The following PITPNM2 variants were observed in gnomAD, a reference collection of about 807,000 sequenced individuals.
The protein encoded by PITPNM2 is phosphatidylinositol transfer protein membrane associated 2, also known as membrane-associated phosphatidylinositol transfer protein 2.
A neutral mutation model predicts 132.2 loss-of-function variants in PITPNM2; 35 were observed. The observed-to-expected ratio is 0.26, with a 90% CI of 0.20 to 0.35. PITPNM2 has a LOEUF of 0.35. Ranked by LOEUF, PITPNM2 falls within the 10% of genes least tolerant of loss-of-function variation. PITPNM2 has a pLI of 1.00. For missense variants in PITPNM2, 1,332 were observed against 1,912.0 expected (o/e 0.70, Z 5.66); for synonymous variants, 738 against 799.2 (o/e 0.92, Z 1.29).
In PITPNM2 at chr12:123,077,381, C is replaced by T. The variant is rs1406344856; in HGVS notation, c.-96+33004G>A. Among the ~76,000 whole-genome samples, 3 of 152,230 alleles carry T rather than the reference C, an allele frequency of 2.0e-5. No individual in the cohort carries two copies. Among genetic ancestry groups the T allele is most frequent in the Non-Finnish European group, 4.4e-5 (3 of 68,040 alleles). ...AAGGATTGGTCAGAGAGACAGCCAA[C>T]GTGTGGCCAACAATCACCACTCCAG... On this transcript the variant is annotated intron_variant, in intron 2 of 25. Coordinates refer to ENST00000320201, the MANE Select transcript of PITPNM2 (RefSeq NM_020845.3). The surrounding 1 kb of genome is among the most constrained non-coding windows in gnomAD (Gnocchi z 4.8).
Position 123,000,630 on chromosome 12 carries a change from G to T in PITPNM2, c.1224+148C>A. On this transcript the variant is annotated intron_variant, in intron 10 of 25. Coordinates refer to ENST00000320201, the MANE Select transcript of PITPNM2 (RefSeq NM_020845.3). The surrounding 1 kb of genome is among the most constrained non-coding windows in gnomAD (Gnocchi z 5.4). ...GCAGGGCAGCAAAAAAGGAGGCCCA[G>T]GCCTCTCCCCAGACAGTACCCAGGC... The T allele has an allele frequency of 1.1e-6, 1 of 892,690 alleles. No homozygotes were observed. The highest frequency in any genetic ancestry group is 1.7e-6 in the Non-Finnish European group (1 of 580,860). 55.3% of individuals were successfully genotyped at this position (892,690 alleles called of 1,614,324 possible). A position where few individuals can be genotyped will look rare whatever the true frequency, so the allele number is the denominator to read the frequency against.
chr12:123,139,263 G>T (rs916447896), intron 1 of PITPNM2, among the ~76,000 whole-genome samples: 2 of 152,168 alleles, frequency 1.3e-5, no homozygotes, highest in Admixed American at 6.5e-5. Flanking sequence ...CACTTTGGGA[G>T]GCCGAGGCAG....
intron 1 of PITPNM2, among the ~76,000 whole-genome samples, chr12:123,122,534 A>C (rs1333138508): frequency 2.0e-5 from 3 of 152,194 alleles, no homozygotes; most frequent in Non-Finnish European, 2.9e-5. Flanking sequence ...GCCTGTTGAT[A>C]GGCCTCCTGG....
At chr12:123,039,398 T>C (rs1180877231) in intron 2 of PITPNM2, among the ~76,000 whole-genome samples, 5 of 152,222 alleles carry the variant, frequency 3.3e-5, no homozygotes, top group Non-Finnish European at 5.9e-5. Context: ...TTTGAAATCA[T>C]GGCAATTATG....
chr12:123,045,644 T>C (rs2040627870), intron 2 of PITPNM2, among the ~76,000 whole-genome samples: 2 of 152,224 alleles, frequency 1.3e-5, no homozygotes, highest in African/African-American at 2.4e-5. Context: ...GCACTGAGGC[T>C]GTCAGCCAAC....
Position 123,115,582 on chromosome 12 carries a change from T to G in PITPNM2, c.-199-5094A>C, listed in dbSNP as rs180863047. Among the ~76,000 whole-genome samples the G allele has an allele frequency of 2.0e-5, 3 of 151,582 alleles. No homozygotes were observed. The East Asian group carries it at 5.8e-4, about 29-fold the overall frequency. On this transcript the variant is annotated intron_variant, in intron 1 of 25. Coordinates refer to ENST00000320201, the MANE Select transcript of PITPNM2 (RefSeq NM_020845.3). ...ACACACACATGCACACACACACACA[T>G]ACACACACGCATAACAAAGAGGAGA...
Position 122,988,827 on chromosome 12 carries a change from T to G in PITPNM2, c.2777A>C (p.Tyr926Ser). The G allele has an allele frequency of 2.5e-6, 4 of 1,583,446 alleles. No homozygotes were observed. The highest frequency in any genetic ancestry group is 3.4e-6 in the Non-Finnish European group (4 of 1,164,940). ...GAAGGCCGTGAGGGCGTCAGGGCAG[T>G]ACAGGGCGTAGTCGATCCGCTTCTG... ...WGQKRIDYAL[Y>S]CPDALTAFPT... Residue 926 changes from tyrosine (Y) to serine (S), a missense_variant, in exon 19 of 26, where the codon TAC becomes TCC. Transcript: ENST00000320201.
At chr12:123,039,683 C>A (rs956415867) in intron 2 of PITPNM2, among the ~76,000 whole-genome samples, 2 of 152,108 alleles carry the variant, frequency 1.3e-5, no homozygotes, top group African/African-American at 4.8e-5. Flanking sequence ...CAAGAGTGAG[C>A]CCTTGTGTAA....
chr12:123,139,455 C>T (rs1471917389), intron 1 of PITPNM2, among the ~76,000 whole-genome samples: 3 of 150,970 alleles, frequency 2.0e-5, no homozygotes, highest in South Asian at 4.2e-4. Context: ...GAGGCGAGAT[C>T]GTGCCACTGC....
At chr12:123,041,609 G>A (rs947894635) in intron 2 of PITPNM2, among the ~76,000 whole-genome samples, 8 of 152,198 alleles carry the variant, frequency 5.3e-5, no homozygotes, top group East Asian at 1.9e-4. Flanking sequence ...CACCCAGTCC[G>A]GCTGCCTGGG....
chr12:122,989,372 T>C lies in PITPNM2; in HGVS notation c.2731+415A>G, dbSNP rs1224983441. ...ACACAGCAGTGTGGGCGGGGAAGCCTGGGCCTCCAGATGGATGGTCCTGGG... is the reference window on the plus strand; with the variant it reads ...ACACAGCAGTGTGGGCGGGGAAGCCCGGGCCTCCAGATGGATGGTCCTGGG... On this transcript the variant is annotated intron_variant, in intron 18 of 25. Coordinates refer to ENST00000320201, the MANE Select transcript of PITPNM2 (RefSeq NM_020845.3). 2.0e-5 allele frequency among the ~76,000 whole-genome samples: 3 copies of C among 152,234 alleles called. No individual in the cohort carries two copies. In the East Asian group the frequency reaches 5.8e-4, roughly 29 times the overall value.
At position 123,058,092 on chromosome 12, in the gene PITPNM2, T is replaced by G. The variant is rs929110329; in HGVS notation, c.-95-23407A>C. Among the ~76,000 whole-genome samples, 1 of 152,240 alleles carries G rather than the reference T, an allele frequency of 6.6e-6. No individual in the cohort carries two copies. Among genetic ancestry groups the G allele is most frequent in the Non-Finnish European group, 1.5e-5 (1 of 68,042 alleles). On this transcript the variant is annotated intron_variant, in intron 2 of 25. Transcript: ENST00000320201. This position sits in a 1 kb window ranked among gnomAD's most constrained non-coding sequence, Gnocchi z 4.0. ...CTGACCTTTTACTCTTCAAAGTACT[T>G]ACGAACCCACGTTCTTCACTTCTTC...
At position 123,120,759 on chromosome 12, in the gene PITPNM2, C is replaced by A. The variant is rs910569102; in HGVS notation, c.-199-10271G>T. Among the ~76,000 whole-genome samples the A allele has an allele frequency of 3.3e-5, 5 of 152,228 alleles. No homozygotes were observed. In the East Asian group the frequency reaches 5.8e-4, roughly 18 times the overall value. On this transcript the variant is annotated intron_variant, in intron 1 of 25. Coordinates refer to ENST00000320201, the MANE Select transcript of PITPNM2 (RefSeq NM_020845.3). The stretch of plus-strand genomic sequence containing the variant: ...CCTCCCTGCTGGTCAGACACCACAG[C>A]CCCAGCAGGGACAACCTCTCTGAGC...
chr12:123,123,208 C>G (rs2043065105), intron 1 of PITPNM2, among the ~76,000 whole-genome samples: 1 of 152,220 alleles, frequency 6.6e-6, no homozygotes, highest in South Asian at 2.1e-4. Flanking sequence ...ATTACAAGAA[C>G]TGAACAACTC....
rs1367514949 is a variant in PITPNM2 at position 123,077,292 on chromosome 12, C to T, written c.-96+33093G>A. Reference sequence around the variant, plus strand: ...GGATATCGGGGTGGGGAGGGACACCCCTTGTTATCAGGGGTGGAGAGGGAC... The same window carrying T: ...GGATATCGGGGTGGGGAGGGACACCTCTTGTTATCAGGGGTGGAGAGGGAC... On this transcript the variant is annotated intron_variant, in intron 2 of 25. Coordinates refer to ENST00000320201, the MANE Select transcript of PITPNM2 (RefSeq NM_020845.3). The surrounding 1 kb of genome is among the most constrained non-coding windows in gnomAD (Gnocchi z 4.8). Among the ~76,000 whole-genome samples, 1 of 152,126 alleles carries T rather than the reference C, an allele frequency of 6.6e-6. No homozygotes were observed. Among genetic ancestry groups the T allele is most frequent in the African/African-American group, 2.4e-5 (1 of 41,418 alleles).
At chr12:123,028,290 G>C (rs965100665) in intron 3 of PITPNM2, among the ~76,000 whole-genome samples, 3 of 152,246 alleles carry the variant, frequency 2.0e-5, no homozygotes, top group Admixed American at 2.0e-4. Flanking sequence ...CAGGGTGCCA[G>C]GTACTTTGAC....
chr12:123,016,797 G>A (rs1160709591), intron 3 of PITPNM2, among the ~76,000 whole-genome samples: 1 of 152,166 alleles, frequency 6.6e-6, no homozygotes, highest in Admixed American at 6.5e-5. Context: ...TGTAAGCCTA[G>A]CACTTTGGGA....
chr12:122,992,439 C>G lies in PITPNM2; in HGVS notation c.2404+60G>C. Reference sequence around the variant, plus strand: ...CCACGTAGCATGGAGGACCTAGGAGCCAGGGAGCCACGCTTACCCCACCTT... The same window carrying G: ...CCACGTAGCATGGAGGACCTAGGAGGCAGGGAGCCACGCTTACCCCACCTT... On this transcript the variant is annotated intron_variant, in intron 16 of 25. Transcript: ENST00000320201. The surrounding 1 kb of genome is among the most constrained non-coding windows in gnomAD (Gnocchi z 6.5). 1.2e-5 allele frequency: 18 copies of G among 1,537,554 alleles called. No homozygotes were observed. The highest frequency in any genetic ancestry group is 1.6e-5 in the Non-Finnish European group (18 of 1,140,444).
At chr12:123,016,187 G>A (rs1019296029) in intron 3 of PITPNM2, among the ~76,000 whole-genome samples, 2 of 151,970 alleles carry the variant, frequency 1.3e-5, no homozygotes, top group South Asian at 2.1e-4. Flanking sequence ...GTAGCTGGGC[G>A]TGGTGGCACA....
Sources: gnomAD v4.1 joint callset for allele counts (sites outside exome capture counted in the v4.1 genomes callset) on GRCh38, gnomAD v4.1.1 for gene constraint, Gnocchi (gnomAD v3.1) non-coding constraint, MANE v1.5 for transcripts, NCBI Gene and HGNC (gene_info 2026-07-23, HGNC 2026-07-21) for gene names.